UNC5C: variants seen among roughly 807,000 people sequenced by gnomAD.
UNC5C encodes the protein unc-5 netrin receptor C.
Under a neutral mutation model 99.8 loss-of-function variants are expected in UNC5C, and 47 were observed. The ratio of observed to expected loss-of-function variants is 0.47; its 90% confidence interval spans 0.37 to 0.60. The LOEUF is 0.60. UNC5C is among the 20% of genes least tolerant of loss of function. UNC5C has a pLI of 0.00. For missense variants in UNC5C, 1,062 were observed against 1,165.9 expected, an observed-to-expected ratio of 0.91 and a Z score of 1.30; for synonymous variants, 487 against 452.2, an observed-to-expected ratio of 1.08 and a Z score of -0.98.
chr4:95,383,292 T>TACACAC (rs1560812848), intron 1 of UNC5C, among the ~76,000 whole-genome samples: 1 of 146,924 alleles, frequency 6.8e-6, no homozygotes, highest in African/African-American at 2.7e-5. Context: ...CACACACACT[T>TACACAC]ATTTATTGTT....
At chr4:95,475,979 T>C (rs1748133203) in intron 1 of UNC5C, among the ~76,000 whole-genome samples, 1 of 152,122 alleles carries the variant, frequency 6.6e-6, no homozygotes, top group Admixed American at 6.6e-5. Flanking sequence ...TATCAAGTAC[T>C]GGTCAACATT....
chr4:95,396,822 A>T (rs1465369531), intron 1 of UNC5C, among the ~76,000 whole-genome samples: 1 of 152,200 alleles, frequency 6.6e-6, no homozygotes, highest in African/African-American at 2.4e-5. Context: ...TTGTGACCCT[A>T]TGTTAACAAC....
At chr4:95,528,983 A>T (rs1722567177) in intron 1 of UNC5C, among the ~76,000 whole-genome samples, 1 of 152,170 alleles carries the variant, frequency 6.6e-6, no homozygotes, top group Non-Finnish European at 1.5e-5. Flanking sequence ...GAAAGTTAAC[A>T]AAGCACATTT....
rs191811868 is a variant in UNC5C, at chr4:95,332,922, A to C, written c.346+2488T>G. 1.2e-3 allele frequency among the ~76,000 whole-genome samples: 189 copies of C among 152,324 alleles called. 1 individual carries two copies. Among genetic ancestry groups the C allele is most frequent in the African/African-American group, 4.3e-3 (180 of 41,576 alleles). ...AAAAGTGGGCAAAGGACATGAACAG[A>C]CACCTCTCAAAAGAAGACATTTATG... On this transcript the variant is annotated intron_variant, in intron 2 of 15. Coordinates refer to ENST00000453304, the MANE Select transcript of UNC5C (RefSeq NM_003728.4).
Position 95,474,996 on chromosome 4 carries a change from G to A in UNC5C, c.124+73738C>T, listed in dbSNP as rs113893708. ...TCAATTACCCTATACCATCAAGCACGTTTATATTGATCTTCTCCCCTTGCT... is the reference window on the plus strand; with the variant it reads ...TCAATTACCCTATACCATCAAGCACATTTATATTGATCTTCTCCCCTTGCT... On this transcript the variant is annotated intron_variant, in intron 1 of 15. Coordinates refer to ENST00000453304, the MANE Select transcript of UNC5C (RefSeq NM_003728.4). Among the ~76,000 whole-genome samples, 883 of 152,112 alleles carry A rather than the reference G, an allele frequency of 5.8e-3. 11 individuals are homozygous for A. The highest frequency in any genetic ancestry group is 0.02 in the African/African-American group (829 of 41,540).
rs1004168014 is a variant in UNC5C at position 95,536,800 on chromosome 4, G to A, written c.124+11934C>T. Reference sequence around the variant, plus strand: ...ATTTCCTTCTGTTATTAATGTTTGAGTTATATGCTAAAGACGAGATTATTC... The same window carrying A: ...ATTTCCTTCTGTTATTAATGTTTGAATTATATGCTAAAGACGAGATTATTC... On this transcript the variant is annotated intron_variant, in intron 1 of 15. Transcript: ENST00000453304. Among the ~76,000 whole-genome samples, 5 of 152,294 alleles carry A rather than the reference G, an allele frequency of 3.3e-5. No homozygotes were observed. The East Asian group carries it at 9.6e-4, about 29-fold the overall frequency.
In UNC5C at chr4:95,180,005, A is replaced by ACC. The variant is rs11372697; in HGVS notation, c.2451+2890_2451+2891dup. Among the ~76,000 whole-genome samples, 765 of 150,650 alleles carry ACC rather than the reference A, an allele frequency of 5.1e-3. 4 individuals are homozygous for ACC. Among genetic ancestry groups the ACC allele is most frequent in the African/African-American group, 0.012 (491 of 40,994 alleles). ...AATCTGAAACCTCAATTGATGACAG[A>ACC]CCCCCCCCACGGATTGAAGTAGCAA... On this transcript the variant is annotated intron_variant, in intron 14 of 15. Transcript: ENST00000453304.
intron 2 of UNC5C, among the ~76,000 whole-genome samples, chr4:95,309,332 GA>G (rs1237822346): frequency 1.3e-5 from 2 of 151,614 alleles, no homozygotes; most frequent in Non-Finnish European, 2.9e-5. Flanking sequence ...AAAACCGCTA[GA>G]AAAAAACATA....
intron 1 of UNC5C, 69 bp downstream of exon 1, chr4:95,548,665 G>A: frequency 1.9e-6 from 3 of 1,554,890 alleles, no homozygotes; most frequent in Non-Finnish European, 2.6e-6. Context: ...GAGAACTGGG[G>A]AGGAGGAGAG....
intron 14 of UNC5C, among the ~76,000 whole-genome samples, chr4:95,172,558 G>A (rs1463718570): frequency 4.6e-5 from 7 of 151,718 alleles, no homozygotes; most frequent in Admixed American, 2.0e-4. Flanking sequence ...GTAGATATGC[G>A]GCGTTATTTC....
rs568346570 is a variant in UNC5C at position 95,469,402 on chromosome 4, A to G, written c.124+79332T>C. 8.5e-5 allele frequency among the ~76,000 whole-genome samples: 13 copies of G among 152,138 alleles called. No homozygotes were observed. In the East Asian group the frequency reaches 2.3e-3, roughly 27 times the overall value. On this transcript the variant is annotated intron_variant, in intron 1 of 15. Transcript: ENST00000453304. ...TCCTTTTGGTTTAGGTTGTCATACA[A>G]TGTCTTCATTTTTTTCTCAAATCAT...
chr4:95,300,057 C>T (rs909171464), intron 3 of UNC5C, among the ~76,000 whole-genome samples: 1 of 152,082 alleles, frequency 6.6e-6, no homozygotes, highest in Non-Finnish European at 1.5e-5. Flanking sequence ...ATTGATGGGA[C>T]TTAGAGCTAA....
chr4:95,180,623 T>C (rs993175577), intron 14 of UNC5C, among the ~76,000 whole-genome samples: 14 of 152,300 alleles, frequency 9.2e-5, no homozygotes, highest in African/African-American at 3.1e-4. Flanking sequence ...TCAGAGTACA[T>C]GTCACGCACA....
At position 95,206,649 on chromosome 4, in the gene UNC5C, C is replaced by T; in HGVS notation, c.1881G>A (p.Gln627=). ...TCACCTCCCACTGTCCCTGTGCTGC[C>T]TGGTTCTTGAGCAGTATTTTCCAGT... ...TEDWKILLKN[Q]AAQGQWEDVV... Residue 627 remains glutamine (Q), a synonymous_variant, in exon 11 of 16, where the codon CAG becomes CAA. Transcript: ENST00000453304. 6.2e-7 allele frequency: 1 copy of T among 1,614,108 alleles called. No homozygotes were observed. The highest frequency in any genetic ancestry group is 8.5e-7 in the Non-Finnish European group (1 of 1,180,014).
chr4:95,475,366 T>C (rs894373590), intron 1 of UNC5C, among the ~76,000 whole-genome samples: 3 of 152,072 alleles, frequency 2.0e-5, no homozygotes, highest in African/African-American at 7.2e-5. Context: ...GTTGCTTCAA[T>C]TTCCCAATTT....
chr4:95,223,471 C>T (rs1738552759), intron 7 of UNC5C, among the ~76,000 whole-genome samples: 1 of 152,170 alleles, frequency 6.6e-6, no homozygotes, highest in South Asian at 2.1e-4. Flanking sequence ...CCGTAGTTTG[C>T]CGAACACTCA....
intron 6 of UNC5C, among the ~76,000 whole-genome samples, chr4:95,243,582 A>C (rs1248438979): frequency 6.6e-6 from 1 of 152,190 alleles, no homozygotes; most frequent in Non-Finnish European, 1.5e-5. Context: ...TTAACCTTTT[A>C]TATCTACATA....
chr4:95,458,023 G>C (rs1051030922), intron 1 of UNC5C, among the ~76,000 whole-genome samples: 24 of 152,110 alleles, frequency 1.6e-4, no homozygotes, highest in African/African-American at 5.8e-4. Context: ...CCTTAGAAAA[G>C]AGTCCACAAT....
chr4:95,338,316 C>T lies in UNC5C; in HGVS notation c.125-2685G>A, dbSNP rs145518364. On this transcript the variant is annotated intron_variant, in intron 1 of 15. Transcript: ENST00000453304. The stretch of plus-strand genomic sequence containing the variant: ...TGTTATTTTAGAAATCATCTTTTTA[C>T]GAAACTGTATCCTAACTTTTTTCTA... Among the ~76,000 whole-genome samples the T allele has an allele frequency of 2.9e-3, 437 of 152,090 alleles. 1 individual carries two copies. The highest frequency in any genetic ancestry group is 3.8e-3 in the Admixed American group (58 of 15,244).
Sources: gnomAD v4.1 joint callset for allele counts (sites outside exome capture counted in the v4.1 genomes callset) on GRCh38, gnomAD v4.1.1 for gene constraint, MANE v1.5 for transcripts, NCBI Gene and HGNC (gene_info 2026-07-23, HGNC 2026-07-21) for gene names.